Variants in TSPAN18 observed in about 807,000 individuals in gnomAD.
TSPAN18 encodes tetraspanin-18.
In TSPAN18, 14 loss-of-function variants were observed where a neutral mutation model predicts 27.3. That is an observed-to-expected ratio of 0.51 (90% CI 0.34 to 0.80). The LOEUF (loss-of-function observed/expected upper bound fraction) is 0.80, where lower values mean the gene tolerates loss of function less well. TSPAN18 is among the 30% of genes least tolerant of loss of function. The pLI is 0.01. For synonymous variants in TSPAN18, 143 were observed against 136.5 expected, an observed-to-expected ratio of 1.05 and a Z score of -0.33; for missense variants, 268 against 323.9, an observed-to-expected ratio of 0.83 and a Z score of 1.32.
At chr11:44,780,622 G>A (rs142885703) in intron 2 of TSPAN18, among the ~76,000 whole-genome samples, 2 of 152,290 alleles carry the variant, frequency 1.3e-5, no homozygotes, top group East Asian at 1.9e-4. Flanking sequence ...AGAAAATGAC[G>A]TCGGACTTTG....
intron 3 of TSPAN18, among the ~76,000 whole-genome samples, chr11:44,899,074 C>T (rs1013382276): frequency 2.0e-5 from 3 of 152,190 alleles, no homozygotes; most frequent in African/African-American, 7.2e-5. Flanking sequence ...GCAGACGTCA[C>T]ATGGAAGGAC....
chr11:44,907,761 G>A (rs1196011311), intron 4 of TSPAN18, among the ~76,000 whole-genome samples: 2 of 152,060 alleles, frequency 1.3e-5, no homozygotes, highest in Non-Finnish European at 2.9e-5. Context: ...GGAGACCAAC[G>A]AGAGAGACAC....
intron 2 of TSPAN18, among the ~76,000 whole-genome samples, chr11:44,831,512 A>C (rs1857153120): frequency 6.6e-6 from 1 of 152,194 alleles, no homozygotes; most frequent in Admixed American, 6.5e-5. Flanking sequence ...AAGCATGTCC[A>C]AGGATCCAAA....
At chr11:44,914,696 G>A (rs1191575477) in intron 5 of TSPAN18, among the ~76,000 whole-genome samples, 1 of 152,196 alleles carries the variant, frequency 6.6e-6, no homozygotes, top group Non-Finnish European at 1.5e-5. Flanking sequence ...AGCTTGGGCC[G>A]AGTACTGTTC....
At chr11:44,919,392 A>G in intron 7 of TSPAN18, 80 bp downstream of exon 7, 1 of 1,219,396 alleles carries the variant, frequency 8.2e-7, no homozygotes, top group Admixed American at 1.7e-5. Context: ...GGCATCAGTA[A>G]TCAATCCAGG....
intron 8 of TSPAN18, among the ~76,000 whole-genome samples, chr11:44,923,160 G>A (rs1860207597): frequency 6.6e-6 from 1 of 152,192 alleles, no homozygotes; most frequent in Non-Finnish European, 1.5e-5. Flanking sequence ...GGTGTCCAGT[G>A]GGCAGCTGGG....
chr11:44,897,373 G>T (rs1485541688), intron 3 of TSPAN18, among the ~76,000 whole-genome samples: 1 of 152,182 alleles, frequency 6.6e-6, no homozygotes, highest in Admixed American at 6.5e-5. Context: ...CTCTGCTGAA[G>T]TATTGTGGAT....
intron 2 of TSPAN18, among the ~76,000 whole-genome samples, chr11:44,769,518 C>G (rs951204068): frequency 6.6e-6 from 1 of 152,118 alleles, no homozygotes; most frequent in Non-Finnish European, 1.5e-5. Context: ...GTGAACTCAC[C>G]TGGGCCTGAT....
At chr11:44,778,335 G>A (rs1199544186) in intron 2 of TSPAN18, among the ~76,000 whole-genome samples, 1 of 152,154 alleles carries the variant, frequency 6.6e-6, no homozygotes, top group African/African-American at 2.4e-5. Flanking sequence ...GCCAAGAGGT[G>A]TAAATGGGAG....
At chr11:44,824,501 T>C (rs573694242) in intron 2 of TSPAN18, among the ~76,000 whole-genome samples, 1 of 152,300 alleles carries the variant, frequency 6.6e-6, no homozygotes, top group South Asian at 2.1e-4. Flanking sequence ...CATTGGCCAT[T>C]CTGCCCTAAC....
intron 2 of TSPAN18, among the ~76,000 whole-genome samples, chr11:44,765,458 C>G (rs921587636): frequency 3.9e-5 from 6 of 152,156 alleles, no homozygotes; most frequent in African/African-American, 1.4e-4. Context: ...TGAGTCCCTG[C>G]CTATCAGAAG....
In TSPAN18 at chr11:44,930,511, G is replaced by T. The variant is rs901363388; in HGVS notation, c.*1333G>T. 8.3e-6 allele frequency: 2 copies of T among 240,872 alleles called. No homozygotes were observed. The highest frequency in any genetic ancestry group is 4.6e-5 in the African/African-American group (2 of 43,656). The allele number at this position is 240,872 out of a possible 1,614,324, so 14.9% of individuals were successfully genotyped here. A position where few individuals can be genotyped will look rare whatever the true frequency, so the allele number is the denominator to read the frequency against. On this transcript the variant is annotated 3_prime_UTR_variant, in exon 10 of 10. Coordinates refer to ENST00000520358, the MANE Select transcript of TSPAN18 (RefSeq NM_130783.5). ...TCCCGAAGGCATCGAGGCCATTTCTGCTGCAACAAGGTTTCCTGTCTCTTC... is the reference window on the plus strand; with the variant it reads ...TCCCGAAGGCATCGAGGCCATTTCTTCTGCAACAAGGTTTCCTGTCTCTTC...
At chr11:44,859,296 C>T (rs994697909) in intron 2 of TSPAN18, among the ~76,000 whole-genome samples, 10 of 152,214 alleles carry the variant, frequency 6.6e-5, no homozygotes, top group Admixed American at 5.9e-4. Flanking sequence ...TTCCAGGTCC[C>T]CTGACATGCT....
At chr11:44,831,003 C>T (rs1437884127) in intron 2 of TSPAN18, among the ~76,000 whole-genome samples, 2 of 152,146 alleles carry the variant, frequency 1.3e-5, no homozygotes, top group Non-Finnish European at 2.9e-5. Flanking sequence ...ATCCCAGCTA[C>T]TCGGGAGGCT....
intron 8 of TSPAN18, among the ~76,000 whole-genome samples, chr11:44,924,213 G>A (rs1816224808): frequency 6.6e-6 from 1 of 151,640 alleles, no homozygotes; most frequent in African/African-American, 2.4e-5. Flanking sequence ...ACAGAGAGAC[G>A]GACGGTAATC....
At chr11:44,864,422 T>C (rs1418304703) in intron 3 of TSPAN18, among the ~76,000 whole-genome samples, 2 of 152,222 alleles carry the variant, frequency 1.3e-5, no homozygotes, top group East Asian at 1.9e-4. Context: ...ATTGAGCACT[T>C]ACTGTGTGCC....
Position 44,744,870 on chromosome 11 carries a change from C to T in TSPAN18, c.-240+17583C>T, listed in dbSNP as rs76721995. ...AGACACTTTTCATCGCAAATGCCAACGCTGATCGATTTGTAGGGCCTGCCT... is the reference window on the plus strand; with the variant it reads ...AGACACTTTTCATCGCAAATGCCAATGCTGATCGATTTGTAGGGCCTGCCT... On this transcript the variant is annotated intron_variant, in intron 1 of 9. Coordinates refer to ENST00000520358, the MANE Select transcript of TSPAN18 (RefSeq NM_130783.5). Among the ~76,000 whole-genome samples, 403 of 152,248 alleles carry T rather than the reference C, an allele frequency of 2.6e-3. 10 individuals carry two copies. The East Asian group carries it at 0.067, about 25-fold the overall frequency.
intron 2 of TSPAN18, among the ~76,000 whole-genome samples, chr11:44,799,191 C>T (rs1444007444): frequency 6.6e-6 from 1 of 152,072 alleles, no homozygotes; most frequent in Non-Finnish European, 1.5e-5. Context: ...CCCCAGGGGG[C>T]CTGTCCAACA....
At chr11:44,881,907 A>G (rs1858499537) in intron 3 of TSPAN18, among the ~76,000 whole-genome samples, 1 of 152,240 alleles carries the variant, frequency 6.6e-6, no homozygotes, top group Non-Finnish European at 1.5e-5. Flanking sequence ...CCTGTTTCCC[A>G]TAGAATCTCT....
Sources: allele counts gnomAD v4.1 joint callset (sites outside exome capture counted in the v4.1 genomes callset), GRCh38; gene constraint gnomAD v4.1.1; transcripts MANE v1.5; gene names NCBI Gene and HGNC (gene_info 2026-07-23, HGNC 2026-07-21).